Variants in DMD observed in about 807,000 individuals in gnomAD.
DMD encodes the protein dystrophin.
Under a neutral mutation model 330.1 loss-of-function variants are expected in DMD, and 63 were observed. That is an observed-to-expected ratio of 0.19 (90% CI 0.16 to 0.24). The LOEUF (loss-of-function observed/expected upper bound fraction) is 0.24. DMD is among the 10% of genes least tolerant of loss of function. DMD has a pLI of 1.00. For missense variants in DMD, 3,344 were observed against 2,684.1 expected (o/e 1.25, Z -5.43); for synonymous variants, 1,223 against 959.8 (o/e 1.27, Z -5.07).
At chrX:32,869,327 G>T (rs2082765185) in intron 2 of DMD, among the ~76,000 whole-genome samples, 2 of 111,078 alleles carry the variant, frequency 1.8e-5, no homozygotes, top group African/African-American at 3.3e-5. Flanking sequence ...AACTCAAAAA[G>T]CCAGAGTGCC....
chrX:32,131,734 C>T (rs757526622), intron 44 of DMD, among the ~76,000 whole-genome samples: 1 of 112,167 alleles, frequency 8.9e-6, no homozygotes, highest in African/African-American at 3.2e-5. Context: ...CTGTTTTACA[C>T]GACATTCTCC....
chrX:32,414,264 G>A (rs1301083792), intron 29 of DMD, among the ~76,000 whole-genome samples: 1 of 111,370 alleles, frequency 9.0e-6, no homozygotes, highest in African/African-American at 3.3e-5. Flanking sequence ...CTTCCAAGTG[G>A]CTACCTCTGG....
At chrX:32,295,833 C>A (rs969688629) in intron 42 of DMD, among the ~76,000 whole-genome samples, 1 of 111,850 alleles carries the variant, frequency 8.9e-6, no homozygotes, top group Admixed American at 9.5e-5. Flanking sequence ...GTGACAACTA[C>A]TCCCTTGCTG....
chrX:33,106,463 A>G (rs774011647), intron 1 of DMD, among the ~76,000 whole-genome samples: 2 of 112,238 alleles, frequency 1.8e-5, no homozygotes, highest in Non-Finnish European at 3.8e-5. Context: ...GTATATTCCA[A>G]TAAGAGGAAG....
chrX:32,029,087 A>T (rs1335921022), intron 44 of DMD, among the ~76,000 whole-genome samples: 1 of 110,845 alleles, frequency 9.0e-6, no homozygotes, highest in Non-Finnish European at 1.9e-5. Context: ...GTTCACGGAT[A>T]GTAAATTATA....
chrX:32,949,215 G>T (rs962820911), intron 2 of DMD, among the ~76,000 whole-genome samples: 1 of 106,466 alleles, frequency 9.4e-6, no homozygotes, highest in Non-Finnish European at 1.9e-5. Context: ...TTTTGAAGTT[G>T]TAATGTCTTA....
Position 31,121,467 on chromosome X carries a change from G to GT in DMD, c.*451dup, listed in dbSNP as rs2032529693. On this transcript the variant is annotated 3_prime_UTR_variant, in exon 79 of 79. Transcript: ENST00000357033. ...ATGTGTGTGTGTGTGTGTTTGTTTT[G>GT]TTTTTAGGGGTTTTTATAAACAACT... 1 of 165,300 alleles carries GT rather than the reference G, an allele frequency of 6.0e-6. No homozygotes were observed. The allele number at this position is 165,300 out of a possible 1,213,427, so 13.6% of individuals were successfully genotyped here. A position where few individuals can be genotyped will look rare whatever the true frequency, so the allele number is the denominator to read the frequency against.
upstream of DMD, among the ~76,000 whole-genome samples, chrX:33,216,322 T>C (rs1489331359): frequency 9.0e-6 from 1 of 111,696 alleles, no homozygotes; most frequent in African/African-American, 3.3e-5. Flanking sequence ...GAGGCCATTA[T>C]CCTATGCAAA....
At chrX:31,405,342 T>A (rs1474050435) in intron 60 of DMD, among the ~76,000 whole-genome samples, 3 of 112,169 alleles carry the variant, frequency 2.7e-5, no homozygotes, top group Non-Finnish European at 5.6e-5. Flanking sequence ...TATTGGAACA[T>A]ACTGGCTGAA....
intron 44 of DMD, among the ~76,000 whole-genome samples, chrX:32,187,025 A>T (rs905405526): frequency 9.0e-5 from 10 of 110,674 alleles, no homozygotes; most frequent in Admixed American, 3.9e-4. Flanking sequence ...AGTTTTTTTT[A>T]AAATAAAGAA....
At chrX:32,559,653 A>C (rs767781152) in intron 16 of DMD, among the ~76,000 whole-genome samples, 121 of 112,104 alleles carry the variant, frequency 1.1e-3, no homozygotes, top group African/African-American at 3.7e-3. Flanking sequence ...GGATCTTTAA[A>C]GAATGAGAAT....
At chrX:31,230,979 A>G (rs773419761) in intron 63 of DMD, among the ~76,000 whole-genome samples, 32 of 111,652 alleles carry the variant, frequency 2.9e-4, no homozygotes, top group Admixed American at 7.6e-4. Context: ...AATGGCCGAT[A>G]TAAAGTTTTC....
intron 45 of DMD, among the ~76,000 whole-genome samples, chrX:31,963,789 T>G (rs1438327667): frequency 5.1e-4 from 44 of 86,639 alleles, no homozygotes; most frequent in African/African-American, 1.5e-3. Context: ...GGAAAAACCT[T>G]TTTTTTTTTT....
intron 2 of DMD, among the ~76,000 whole-genome samples, chrX:32,885,391 C>A (rs2084416831): frequency 1.8e-5 from 2 of 108,964 alleles, no homozygotes; most frequent in South Asian, 4.0e-4. Flanking sequence ...AACTGCACTA[C>A]TGATAACTGC....
chrX:33,339,369 G>C (rs2054301850), exon 1 of DMD: 2 of 899,796 alleles, frequency 2.2e-6, no homozygotes, highest in Non-Finnish European at 3.0e-6. Flanking sequence ...TCATCTTCCT[G>C]AAAGCATTCT....
At chrX:31,290,753 C>T in intron 62 of DMD, among the ~76,000 whole-genome samples, 1 of 112,061 alleles carries the variant, frequency 8.9e-6, no homozygotes, top group South Asian at 3.7e-4. Context: ...TATTCCTTCA[C>T]TCTATATAAC....
intron 55 of DMD, among the ~76,000 whole-genome samples, chrX:31,573,588 T>G (rs1404109131): frequency 1.8e-5 from 2 of 112,165 alleles, no homozygotes; most frequent in East Asian, 5.6e-4. Flanking sequence ...TCAGTTAAAC[T>G]GAAAGATCTA....
chrX:32,187,099 A>G (rs1440759801), intron 44 of DMD, among the ~76,000 whole-genome samples: 1 of 111,272 alleles, frequency 9.0e-6, no homozygotes, highest in East Asian at 2.8e-4. Context: ...AATAATCTGA[A>G]GCACTTTCAT....
At chrX:32,368,917 C>T (rs1174809765) in intron 34 of DMD, among the ~76,000 whole-genome samples, 1 of 111,022 alleles carries the variant, frequency 9.0e-6, no homozygotes, top group East Asian at 2.8e-4. Flanking sequence ...AATGTGATTG[C>T]TGCTAGGATC....
Sources: gnomAD v4.1 joint callset for allele counts (sites outside exome capture counted in the v4.1 genomes callset) on GRCh38, gnomAD v4.1.1 for gene constraint, MANE v1.5 for transcripts, NCBI Gene and HGNC (gene_info 2026-07-23, HGNC 2026-07-21) for gene names.